Variants in C3orf18 observed in about 807,000 individuals in gnomAD.
The protein encoded by C3orf18 is uncharacterized protein C3orf18.
A neutral mutation model predicts 14.1 loss-of-function variants in C3orf18; 12 were observed. The ratio of observed to expected loss-of-function variants is 0.85; its 90% CI spans 0.55 to 1.38. The LOEUF (loss-of-function observed/expected upper bound fraction) is 1.38, where lower values mean the gene tolerates loss of function less well. Among genes scored for constraint, C3orf18 ranks in the 40% most tolerant of loss-of-function variants. The pLI is 0.00. For missense variants in C3orf18, 196 were observed against 213.9 expected (o/e 0.92, Z 0.52); for synonymous variants, 82 against 87.9 (o/e 0.93, Z 0.38).
rs559699248 is a variant in C3orf18, at chr3:50,564,840, C to T, written c.234+626G>A. 7.2e-5 allele frequency among the ~76,000 whole-genome samples: 11 copies of T among 152,374 alleles called. No individual in the cohort carries two copies. The East Asian group carries it at 2.1e-3, about 29-fold the overall frequency. ...TTCTTCTATTGCAACCCCACATCCA[C>T]TGCCCTAACTGTCCTGCTGGCTGCT... On this transcript the variant is annotated intron_variant, in intron 3 of 5. Transcript: ENST00000357203.
rs1699846181 is a variant in C3orf18, at chr3:50,559,687, AAAC to A, written c.456_458del (p.Phe153del). The A allele has an allele frequency of 6.3e-7, 1 of 1,595,862 alleles. No individual in the cohort carries two copies. Among genetic ancestry groups the A allele is most frequent in the Non-Finnish European group, 8.5e-7 (1 of 1,171,006 alleles). On this transcript the variant is annotated inframe_deletion, in exon 6 of 6. Coordinates refer to ENST00000357203, the MANE Select transcript of C3orf18 (RefSeq NM_016210.5). ...CATGGATGGCATTGGCCACATCGGT[AAAC>A]ACCAGCCGGCTGGGTCTCTGCAGTG...
chr3:50,571,867 C>T, upstream of C3orf18: 1 of 1,508,814 alleles, frequency 6.6e-7, no homozygotes, highest in African/African-American at 1.4e-5. Context: ...TCCCCTATCC[C>T]CACCAAGTTC....
At chr3:50,571,406 T>C (rs1700941320), upstream of C3orf18, 1 of 1,164,978 alleles carries the variant, frequency 8.6e-7, no homozygotes, top group Non-Finnish European at 1.2e-6. Flanking sequence ...CCAGGTTTTC[T>C]GTTCACTAAG....
Position 50,565,767 on chromosome 3 carries a change from C to G in C3orf18, c.-68G>C. Reference sequence around the variant, plus strand: ...AGTCAACCTGCCCACTCACTCCTGACTCCGGAGTGCCCCAGCCTGTGGTTC... The same window carrying G: ...AGTCAACCTGCCCACTCACTCCTGAGTCCGGAGTGCCCCAGCCTGTGGTTC... On this transcript the variant is annotated 5_prime_UTR_variant, in exon 3 of 6. Transcript: ENST00000357203. This position sits in a 1 kb window ranked among gnomAD's most constrained non-coding sequence, Gnocchi z 4.4. The G allele has an allele frequency of 4.8e-6, 6 of 1,250,436 alleles. No individual in the cohort carries two copies. The highest frequency in any genetic ancestry group is 6.7e-6 in the Non-Finnish European group (6 of 894,846). The allele number at this position is 1,250,436 out of a possible 1,614,324, so 77.5% of individuals were successfully genotyped here. A position where few individuals can be genotyped will look rare whatever the true frequency, so the allele number is the denominator to read the frequency against.
At chr3:50,561,553 AG>A (rs1357953306) in intron 4 of C3orf18, among the ~76,000 whole-genome samples, 168 bp downstream of exon 4, 1 of 152,156 alleles carries the variant, frequency 6.6e-6, no homozygotes, top group Admixed American at 6.5e-5. Context: ...TCCTTGTGCA[AG>A]GGGGGCCCTC....
Position 50,566,027 on chromosome 3 carries a change from T to C in C3orf18, c.-184A>G. 4.0e-6 allele frequency: 1 copy of C among 252,036 alleles called. No homozygotes were observed. The highest frequency in any genetic ancestry group is 7.7e-6 in the Non-Finnish European group (1 of 130,198). 15.6% of individuals were successfully genotyped at this position (252,036 alleles called of 1,614,324 possible). On this transcript the variant is annotated 5_prime_UTR_variant, in exon 2 of 6. Coordinates refer to ENST00000357203, the MANE Select transcript of C3orf18 (RefSeq NM_016210.5). ...ATACTTTACGTATCTACGGTGCCCC[T>C]GTTTTTGGGAACAAAAATGAAGCCC...
intron 3 of C3orf18, among the ~76,000 whole-genome samples, chr3:50,564,903 C>T (rs948040430): frequency 3.3e-5 from 5 of 152,228 alleles, no homozygotes; most frequent in Non-Finnish European, 5.9e-5. Flanking sequence ...TTTTGCCCAT[C>T]AGGACTCTCC....
chr3:50,559,032 GT>G lies in C3orf18; in HGVS notation c.*624del. Reference sequence around the variant, plus strand: ...CCTAGCTTGGCCCCAGTAACATCTGGTTGCCAAGGATGGGTGGCTGGGAGAC... The same window carrying G: ...CCTAGCTTGGCCCCAGTAACATCTGGTGCCAAGGATGGGTGGCTGGGAGAC... On this transcript the variant is annotated 3_prime_UTR_variant, in exon 6 of 6. Transcript: ENST00000357203. The G allele has an allele frequency of 1.6e-6, 2 of 1,289,760 alleles. No individual in the cohort carries two copies. Among genetic ancestry groups the G allele is most frequent in the Non-Finnish European group, 2.0e-6 (2 of 988,844 alleles). 79.9% of individuals were successfully genotyped at this position (1,289,760 alleles called of 1,614,324 possible).
At position 50,559,698 on chromosome 3, in the gene C3orf18, G is replaced by C; in HGVS notation, c.448C>G (p.Arg150Gly). 1 of 1,596,614 alleles carries C rather than the reference G, an allele frequency of 6.3e-7. No homozygotes were observed. The highest frequency in any genetic ancestry group is 8.5e-7 in the Non-Finnish European group (1 of 1,171,402). The change falls in exon 6 of 6, where the codon CGG (arginine) becomes GGG (glycine). Residue 150 changes from arginine to glycine, a missense_variant. Transcript: ENST00000357203. ...TTGGCCACATCGGTAAACACCAGCCGGCTGGGTCTCTGCAGTGGGCCCTGG... is the reference window on the plus strand; with the variant it reads ...TTGGCCACATCGGTAAACACCAGCCCGCTGGGTCTCTGCAGTGGGCCCTGG... ...PSQGPLQRPSRLVFTDVANAI... is the reference protein window; with the variant it reads ...PSQGPLQRPSGLVFTDVANAI...
Position 50,559,649 on chromosome 3 carries a change from C to T in C3orf18, c.*8G>A. 1 of 1,568,616 alleles carries T rather than the reference C, an allele frequency of 6.4e-7. No individual in the cohort carries two copies. The highest frequency in any genetic ancestry group is 8.7e-7 in the Non-Finnish European group (1 of 1,155,610). On this transcript the variant is annotated 3_prime_UTR_variant, in exon 6 of 6. Coordinates refer to ENST00000357203, the MANE Select transcript of C3orf18 (RefSeq NM_016210.5). ...CTCTATCAGAAGTCCAGGCTTGTCC[C>T]AGGCCACTCACGCATGGATGGCATT...
upstream of C3orf18, chr3:50,571,745 C>T: frequency 6.2e-7 from 1 of 1,614,200 alleles, no homozygotes. Flanking sequence ...GGACCCAGCC[C>T]TTGACCTCTC....
intron 4 of C3orf18, 104 bp from the exon 5 acceptor site, chr3:50,561,168 T>C (rs937954332): frequency 1.1e-5 from 14 of 1,257,942 alleles, no homozygotes; most frequent in African/African-American, 1.5e-5. Flanking sequence ...CACACAACCA[T>C]GCTTAGGGCC....
rs1699778872 is a variant in C3orf18 at position 50,558,375 on chromosome 3, G to A, written c.*1282C>T. On this transcript the variant is annotated 3_prime_UTR_variant, in exon 6 of 6. Coordinates refer to ENST00000357203, the MANE Select transcript of C3orf18 (RefSeq NM_016210.5). ...GCGTAAAAAAATGCCCTGCTCTTGT[G>A]GTCTGTCTCTGCCCAATGGCTTGCC... The A allele has an allele frequency of 3.9e-6, 1 of 253,786 alleles. No homozygotes were observed. Among genetic ancestry groups the A allele is most frequent in the Non-Finnish European group, 7.8e-6 (1 of 128,148 alleles). The allele number at this position is 253,786 out of a possible 1,614,324, so 15.7% of individuals were successfully genotyped here. A position where few individuals can be genotyped will look rare whatever the true frequency, so the allele number is the denominator to read the frequency against.
upstream of C3orf18, chr3:50,570,182 T>A (rs571395478): frequency 3.3e-5 from 5 of 152,334 alleles, no homozygotes; most frequent in East Asian, 9.7e-4. Context: ...GGCAAGTCGC[T>A]TCCCTTCTCT....
chr3:50,559,412 G>A lies in C3orf18; in HGVS notation c.*245C>T. Reference sequence around the variant, plus strand: ...AGGCTCTTGACCTTCTCAGCATGAGGGATGCCCTCTGTGCCAGGGCCCTCA... The same window carrying A: ...AGGCTCTTGACCTTCTCAGCATGAGAGATGCCCTCTGTGCCAGGGCCCTCA... On this transcript the variant is annotated 3_prime_UTR_variant, in exon 6 of 6. Transcript: ENST00000357203. 1 of 1,383,052 alleles carries A rather than the reference G, an allele frequency of 7.2e-7. No individual in the cohort carries two copies. The highest frequency in any genetic ancestry group is 9.4e-7 in the Non-Finnish European group (1 of 1,067,148). The allele number at this position is 1,383,052 out of a possible 1,614,324, so 85.7% of individuals were successfully genotyped here. A position where few individuals can be genotyped will look rare whatever the true frequency, so the allele number is the denominator to read the frequency against.
At chr3:50,564,358 ACAC>A (rs1322432051) in intron 3 of C3orf18, among the ~76,000 whole-genome samples, 4 of 152,196 alleles carry the variant, frequency 2.6e-5, no homozygotes, top group African/African-American at 7.2e-5. Context: ...TTAGGGACTG[ACAC>A]CAGATCAAGA....
At chr3:50,570,295 A>G (rs1015368909), upstream of C3orf18, 4 of 152,266 alleles carry the variant, frequency 2.6e-5, no homozygotes, top group African/African-American at 7.2e-5. Context: ...TTAAACCTTC[A>G]GTTAAACTTG....
chr3:50,563,542 C>T (rs772803544), intron 3 of C3orf18, among the ~76,000 whole-genome samples: 1 of 152,186 alleles, frequency 6.6e-6, no homozygotes, highest in East Asian at 1.9e-4. Flanking sequence ...CCTCCAGGAA[C>T]CTCCCCCACC....
At chr3:50,570,926 C>G (rs1049082736), upstream of C3orf18, 1 of 501,592 alleles carries the variant, frequency 2.0e-6, no homozygotes, top group African/African-American at 2.0e-5. Flanking sequence ...TCCTCTCACT[C>G]CCAGGGTGGC....
Sources: allele counts gnomAD v4.1 joint callset (sites outside exome capture counted in the v4.1 genomes callset), GRCh38; gene constraint gnomAD v4.1.1; non-coding constraint Gnocchi (gnomAD v3.1); transcripts MANE v1.5; gene names NCBI Gene and HGNC (gene_info 2026-07-23, HGNC 2026-07-21).